ADGRG1: variants seen among roughly 807,000 people sequenced by gnomAD.
ADGRG1 encodes the protein adhesion G protein-coupled receptor G1.
ADGRG1 carries 53 observed loss-of-function variants against 73.5 expected under a neutral mutation model. The observed-to-expected ratio is 0.72, with a 90% confidence interval of 0.58 to 0.91. The LOEUF (loss-of-function observed/expected upper bound fraction) is 0.91, where lower values mean the gene tolerates loss of function less well. Ranked by LOEUF, ADGRG1 falls within the 40% of genes least tolerant of loss-of-function variation. ADGRG1 has a pLI of 0.00. For missense variants in ADGRG1, 795 were observed against 871.8 expected (o/e 0.91, Z 1.11); for synonymous variants, 394 against 374.4 (o/e 1.05, Z -0.60).
At chr16:57,624,136 C>T, upstream of ADGRG1, 1 of 928,260 alleles carries the variant, frequency 1.1e-6, no homozygotes, top group African/African-American at 1.8e-5. Flanking sequence ...GCATTGTGCT[C>T]AATGATTTAT....
intron 1 of ADGRG1, chr16:57,635,869 G>C (rs1393540395): frequency 1.0e-5 from 10 of 985,188 alleles, no homozygotes; most frequent in Non-Finnish European, 1.2e-5. Context: ...TATAAAATGG[G>C]AATGATAGTA....
chr16:57,660,859 C>A lies in ADGRG1; in HGVS notation c.1647C>A (p.Gly549=). 1.3e-6 allele frequency: 2 copies of A among 1,590,826 alleles called. No individual in the cohort carries two copies. The highest frequency in any genetic ancestry group is 1.7e-6 in the Non-Finnish European group (2 of 1,158,836). ...TGGCTGTGCATAGGACTCCAGAGGG[C>A]GTCATCTACCCTTCCATGTGAGTGG... ...IILAVHRTPE[G]VIYPSMCWIR... is the part of the protein sequence containing the mutation. Residue 549 remains glycine (G), a synonymous_variant, in exon 12 of 14, where the codon GGC becomes GGA. Coordinates refer to ENST00000562631, the MANE Select transcript of ADGRG1 (RefSeq NM_201525.4).
upstream of ADGRG1, chr16:57,627,295 G>T (rs77769326): frequency 0.029 from 4,604 of 156,926 alleles, 180 homozygotes; most frequent in East Asian, 0.19. Context: ...GATCTCTACC[G>T]GAGAGAAGGA....
In ADGRG1 at chr16:57,663,663, GC is replaced by G. The variant is rs757480925; in HGVS notation, c.*85del. On this transcript the variant is annotated 3_prime_UTR_variant, in exon 14 of 14. Transcript: ENST00000562631. ...GCCTGTGGCCCCCGAGCCCGGCCCA[GC>G]CCCAGGCCAGTCAGCCGCAGACTTT... 471 of 1,491,112 alleles carry G rather than the reference GC, an allele frequency of 3.2e-4. No homozygotes were observed. Among genetic ancestry groups the G allele is most frequent in the Non-Finnish European group, 4.2e-4 (453 of 1,082,078 alleles). 92.4% of individuals were successfully genotyped at this position (1,491,112 alleles called of 1,614,324 possible). A position where few individuals can be genotyped will look rare whatever the true frequency, so the allele number is the denominator to read the frequency against.
chr16:57,620,474 G>A (rs1298741372), upstream of ADGRG1, among the ~76,000 whole-genome samples: 9 of 152,336 alleles, frequency 5.9e-5, no homozygotes, highest in South Asian at 4.1e-4. Context: ...GAGCATGGAC[G>A]GGAGGCAGGC....
intron 1 of ADGRG1, among the ~76,000 whole-genome samples, chr16:57,629,776 G>C (rs1355982287): frequency 6.6e-6 from 1 of 152,192 alleles, no homozygotes; most frequent in Non-Finnish European, 1.5e-5. Flanking sequence ...GGCACTGATA[G>C]GACTTCCCAC....
intron 1 of ADGRG1, 110 bp downstream of exon 1, chr16:57,628,912 G>A: frequency 3.6e-6 from 3 of 837,036 alleles, no homozygotes; most frequent in Non-Finnish European, 4.1e-6. Context: ...GTGTGAGTGT[G>A]TGAGAGTGAG....
chr16:57,645,203 C>T (rs902208248), intron 1 of ADGRG1: 5 of 985,312 alleles, frequency 5.1e-6, no homozygotes, highest in Admixed American at 6.1e-5. Flanking sequence ...CAGCTGCGGA[C>T]GGGAGGGGAG....
Position 57,631,681 on chromosome 16 carries a change from C to G in ADGRG1, c.-36+2879C>G, listed in dbSNP as rs1371075824. Reference sequence around the variant, plus strand: ...CCAGACACAGCAACTGGGCAGATGGCAAATGGGGGGCGGGGCGGGCTGGCA... The same window carrying G: ...CCAGACACAGCAACTGGGCAGATGGGAAATGGGGGGCGGGGCGGGCTGGCA... On this transcript the variant is annotated intron_variant, in intron 1 of 13. Coordinates refer to ENST00000562631, the MANE Select transcript of ADGRG1 (RefSeq NM_201525.4). 7.2e-6 allele frequency: 7 copies of G among 971,822 alleles called. No homozygotes were observed. The South Asian group carries it at 3.3e-4, about 46-fold the overall frequency. The allele number at this position is 971,822 out of a possible 1,614,324, so 60.2% of individuals were successfully genotyped here. A position where few individuals can be genotyped will look rare whatever the true frequency, so the allele number is the denominator to read the frequency against.
At chr16:57,620,964 G>T (rs2034676710) in exon 1 of ADGRG1, 1 of 152,116 alleles carries the variant, frequency 6.6e-6, no homozygotes, top group African/African-American at 2.4e-5. Flanking sequence ...GAGAGGCAGG[G>T]GCAGTGGTCT....
intron 1 of ADGRG1, chr16:57,639,776 C>T: frequency 1.2e-6 from 1 of 800,450 alleles, no homozygotes; most frequent in Non-Finnish European, 1.5e-6. Context: ...TCCCCTTCCC[C>T]TCCAGCTCGC....
At chr16:57,629,046 G>T in intron 1 of ADGRG1, 1 of 503,880 alleles carries the variant, frequency 2.0e-6, no homozygotes, top group Non-Finnish European at 2.5e-6. Context: ...GTGTGAGTGA[G>T]TGTGTGTGAG....
At chr16:57,623,723 G>A (rs1214373561), upstream of ADGRG1, 1 of 877,946 alleles carries the variant, frequency 1.1e-6, no homozygotes, top group African/African-American at 1.8e-5. Context: ...TGAGTCACAT[G>A]TGCAACGCAA....
chr16:57,632,173 G>T, intron 1 of ADGRG1: 1 of 985,450 alleles, frequency 1.0e-6, no homozygotes, highest in Non-Finnish European at 1.2e-6. Flanking sequence ...TCCAGAATTT[G>T]GGCTCTTGTC....
chr16:57,657,194 TA>T, intron 9 of ADGRG1, 178 bp from the exon 10 acceptor site: 2 of 322,842 alleles, frequency 6.2e-6, no homozygotes, highest in Non-Finnish European at 8.9e-6. Context: ...TGGTCAAATC[TA>T]AAGATGCCCC....
chr16:57,656,869 C>T (rs754592354), intron 9 of ADGRG1, among the ~76,000 whole-genome samples: 110 of 152,248 alleles, frequency 7.2e-4, no homozygotes, highest in African/African-American at 2.5e-3. Context: ...TTGGTGTGTA[C>T]GAAAATGCAG....
At chr16:57,631,697 C>A in intron 1 of ADGRG1, 1 of 943,524 alleles carries the variant, frequency 1.1e-6, no homozygotes, top group Non-Finnish European at 1.3e-6. Context: ...GGGGGCGGGG[C>A]GGGCTGGCAC....
chr16:57,653,052 A>G, intron 3 of ADGRG1, 151 bp from the exon 4 acceptor site: 1 of 1,532,852 alleles, frequency 6.5e-7, no homozygotes, highest in South Asian at 1.2e-5. Context: ...GCCTTGGCAG[A>G]GTCCACTCTG....
rs758900503 is a variant in ADGRG1, at chr16:57,651,628, G to T, written c.487+6G>T. The T allele has an allele frequency of 1.2e-6, 2 of 1,613,058 alleles. No individual in the cohort carries two copies. Among genetic ancestry groups the T allele is most frequent in the South Asian group, 1.1e-5 (1 of 90,990 alleles). The stretch of plus-strand genomic sequence containing the variant: ...CTTCACCTTCTCCTTCCACAGTAAG[G>T]CAACTTCCAGGCGGAGGGAACAACT... On this transcript the variant is annotated splice_donor_region_variant and intron_variant, in intron 3 of 13. Transcript: ENST00000562631.
Sources: allele counts gnomAD v4.1 joint callset (sites outside exome capture counted in the v4.1 genomes callset), GRCh38; gene constraint gnomAD v4.1.1; transcripts MANE v1.5; gene names NCBI Gene and HGNC (gene_info 2026-07-23, HGNC 2026-07-21).